The following GRIN2A variants were observed in gnomAD, a reference collection of about 807,000 sequenced individuals.
GRIN2A encodes the protein glutamate receptor ionotropic, NMDA 2A.
GRIN2A carries 22 observed loss-of-function variants against 113.4 expected under a neutral mutation model. The observed-to-expected ratio is 0.19, with a 90% confidence interval of 0.14 to 0.28. The LOEUF (loss-of-function observed/expected upper bound fraction) is 0.28, where lower values mean the gene tolerates loss of function less well. Ranked by LOEUF, GRIN2A falls within the 10% of genes least tolerant of loss-of-function variation. The pLI is 1.00. For synonymous variants in GRIN2A, 827 were observed against 738.4 expected, an observed-to-expected ratio of 1.12 and a Z score of -1.94; for missense variants, 1,502 against 1,887.0, an observed-to-expected ratio of 0.80 and a Z score of 3.78.
chr16:10,102,153 C>T (rs552375361), intron 2 of GRIN2A, among the ~76,000 whole-genome samples: 2 of 152,270 alleles, frequency 1.3e-5, no homozygotes, highest in East Asian at 3.9e-4. Context: ...GGTGTTTGTT[C>T]CCTCCAAACT....
Position 9,759,726 on chromosome 16 carries a change from A to G in GRIN2A, c.*3423T>C, listed in dbSNP as rs1329442819. ...CAGAGAGATTTGCAGAGGACATAAC[A>G]GTAATGAGTGGTGAGATTGTGAGAT... On this transcript the variant is annotated 3_prime_UTR_variant, in exon 13 of 13. Transcript: ENST00000330684. 2 of 228,798 alleles carry G rather than the reference A, an allele frequency of 8.7e-6. No individual in the cohort carries two copies. Among genetic ancestry groups the G allele is most frequent in the African/African-American group, 4.4e-5 (2 of 45,082 alleles). The allele number at this position is 228,798 out of a possible 1,614,324, so 14.2% of individuals were successfully genotyped here. A position where few individuals can be genotyped will look rare whatever the true frequency, so the allele number is the denominator to read the frequency against.
chr16:10,107,109 C>A (rs547742823), intron 2 of GRIN2A, among the ~76,000 whole-genome samples: 17 of 152,334 alleles, frequency 1.1e-4, no homozygotes, highest in South Asian at 6.2e-4. Flanking sequence ...AGGATGATGA[C>A]TGGATTTCCT....
chr16:10,007,460 AT>A (rs926790316), intron 2 of GRIN2A, among the ~76,000 whole-genome samples: 3 of 152,036 alleles, frequency 2.0e-5, no homozygotes, highest in Admixed American at 6.5e-5. Context: ...TCTTTTGCCA[AT>A]TTTTTTAATT....
chr16:10,101,083 G>T (rs2048385534), intron 2 of GRIN2A, among the ~76,000 whole-genome samples: 2 of 152,210 alleles, frequency 1.3e-5, no homozygotes, highest in Admixed American at 6.5e-5. Context: ...CAGTGACAGG[G>T]CATGAGGGGG....
chr16:9,971,785 C>A (rs1043378509), intron 2 of GRIN2A, among the ~76,000 whole-genome samples: 1 of 151,702 alleles, frequency 6.6e-6, no homozygotes, highest in Non-Finnish European at 1.5e-5. Flanking sequence ...CCTCCCACAC[C>A]CAAACAGGTA....
Position 9,761,992 on chromosome 16 carries a change from G to A in GRIN2A, c.*1157C>T. Reference sequence around the variant, plus strand: ...GCTTTTGATTTGAGGAGTTTGGGGTGGAAGTGAGTGTCCAACAGAATTTCT... The same window carrying A: ...GCTTTTGATTTGAGGAGTTTGGGGTAGAAGTGAGTGTCCAACAGAATTTCT... On this transcript the variant is annotated 3_prime_UTR_variant, in exon 13 of 13. Coordinates refer to ENST00000330684, the MANE Select transcript of GRIN2A (RefSeq NM_001134407.3). 1 of 199,508 alleles carries A rather than the reference G, an allele frequency of 5.0e-6. No homozygotes were observed. The highest frequency in any genetic ancestry group is 1.0e-5 in the Non-Finnish European group (1 of 96,504). 12.4% of individuals were successfully genotyped at this position (199,508 alleles called of 1,614,324 possible).
chr16:10,095,870 C>CA (rs969540746), intron 2 of GRIN2A, among the ~76,000 whole-genome samples: 4 of 150,020 alleles, frequency 2.7e-5, no homozygotes, highest in South Asian at 2.1e-4. Context: ...GATATTCCTA[C>CA]AAAAAAAAAG....
At chr16:9,767,642 G>T (rs1167102383) in intron 12 of GRIN2A, among the ~76,000 whole-genome samples, 1 of 152,100 alleles carries the variant, frequency 6.6e-6, no homozygotes, top group Non-Finnish European at 1.5e-5. Context: ...GGGCAAATAA[G>T]AGAGATGAGT....
intron 5 of GRIN2A, among the ~76,000 whole-genome samples, chr16:9,848,709 TATA>T (rs1457640519): frequency 2.8e-5 from 2 of 72,292 alleles, no homozygotes; most frequent in Non-Finnish European, 5.5e-5. Flanking sequence ...TACACTGTTT[TATA>T]ATATTTTAAA....
At chr16:10,080,653 C>G (rs2047961151) in intron 2 of GRIN2A, among the ~76,000 whole-genome samples, 1 of 152,128 alleles carries the variant, frequency 6.6e-6, no homozygotes, top group African/African-American at 2.4e-5. Context: ...CTATACACCA[C>G]AGAACACAAA....
chr16:10,001,647 G>C, intron 2 of GRIN2A, among the ~76,000 whole-genome samples: 1 of 152,082 alleles, frequency 6.6e-6, no homozygotes, highest in East Asian at 1.9e-4. Flanking sequence ...CCATCTCATC[G>C]TTCTTAACTA....
At chr16:9,895,084 G>T (rs1439692953) in intron 3 of GRIN2A, among the ~76,000 whole-genome samples, 1 of 152,108 alleles carries the variant, frequency 6.6e-6, no homozygotes, top group South Asian at 2.1e-4. Flanking sequence ...ATACAAAAAT[G>T]ACCAAAAATA....
At chr16:9,768,628 C>T (rs778156040) in intron 12 of GRIN2A, among the ~76,000 whole-genome samples, 2 of 152,164 alleles carry the variant, frequency 1.3e-5, no homozygotes, top group Non-Finnish European at 2.9e-5. Context: ...CTATTTTTCT[C>T]ATGTCCCGCC....
At chr16:9,792,159 G>C (rs2141211712) in intron 11 of GRIN2A, among the ~76,000 whole-genome samples, 1 of 151,762 alleles carries the variant, frequency 6.6e-6, no homozygotes, top group Admixed American at 6.6e-5. Flanking sequence ...GATATAACTG[G>C]GGTCACTCAC....
chr16:10,061,947 C>T lies in GRIN2A; in HGVS notation c.414+118051G>A, dbSNP rs552288863. ...TTTGTACAATGGCAACAAACCATTC[C>T]GTCAGCTTCTCTGCTGAAATCAGAG... On this transcript the variant is annotated intron_variant, in intron 2 of 12. Transcript: ENST00000330684. Among the ~76,000 whole-genome samples, 9 of 152,270 alleles carry T rather than the reference C, an allele frequency of 5.9e-5. No individual in the cohort carries two copies. In the South Asian group the frequency reaches 8.3e-4, roughly 14 times the overall value.
chr16:10,041,024 A>T (rs928427290), intron 2 of GRIN2A, among the ~76,000 whole-genome samples: 6 of 152,232 alleles, frequency 3.9e-5, no homozygotes, highest in African/African-American at 1.4e-4. Context: ...AACCCAGGTT[A>T]AGGCACCCCC....
intron 2 of GRIN2A, among the ~76,000 whole-genome samples, chr16:10,010,592 T>G (rs751230367): frequency 5.7e-4 from 87 of 152,170 alleles, no homozygotes; most frequent in Non-Finnish European, 9.6e-4. Flanking sequence ...TCATAGTACT[T>G]TATAGGTACT....
At chr16:9,844,187 G>T (rs2042730772) in intron 5 of GRIN2A, among the ~76,000 whole-genome samples, 1 of 152,074 alleles carries the variant, frequency 6.6e-6, no homozygotes, top group Non-Finnish European at 1.5e-5. Flanking sequence ...GCATATAGTG[G>T]CATTCTTTGG....
At chr16:10,085,067 A>G (rs1261877284) in intron 2 of GRIN2A, among the ~76,000 whole-genome samples, 4 of 152,230 alleles carry the variant, frequency 2.6e-5, no homozygotes, top group Non-Finnish European at 2.9e-5. Flanking sequence ...TATTGGGAAG[A>G]AAGAAGCTTG....
Sources: gnomAD v4.1 joint callset for allele counts (sites outside exome capture counted in the v4.1 genomes callset) on GRCh38, gnomAD v4.1.1 for gene constraint, MANE v1.5 for transcripts, NCBI Gene and HGNC (gene_info 2026-07-23, HGNC 2026-07-21) for gene names.